Variants in FTO observed in about 807,000 individuals in gnomAD.
FTO encodes the protein FTO alpha-ketoglutarate dependent dioxygenase.
A neutral mutation model predicts 63.9 loss-of-function variants in FTO; 47 were observed. That is an observed-to-expected ratio of 0.74 (90% confidence interval 0.58 to 0.94). The LOEUF is 0.94. Ranked by LOEUF, FTO falls within the 40% of genes least tolerant of loss-of-function variation. The pLI is 0.00. For synonymous variants in FTO, 207 were observed against 224.4 expected, an observed-to-expected ratio of 0.92 and a Z score of 0.69; for missense variants, 562 against 618.1, an observed-to-expected ratio of 0.91 and a Z score of 0.96.
chr16:54,075,256 T>A (rs2085964902), intron 8 of FTO, among the ~76,000 whole-genome samples: 1 of 152,190 alleles, frequency 6.6e-6, no homozygotes, highest in African/African-American at 2.4e-5. Flanking sequence ...GAAGTTATAC[T>A]TGGAATATCT....
chr16:53,906,443 G>A (rs912857644), intron 7 of FTO, among the ~76,000 whole-genome samples: 6 of 152,174 alleles, frequency 3.9e-5, no homozygotes, highest in African/African-American at 1.2e-4. Flanking sequence ...GAACAGAGAG[G>A]TATTGAGTGC....
intron 3 of FTO, among the ~76,000 whole-genome samples, chr16:53,827,513 G>GT (rs2079038599): frequency 1.3e-5 from 2 of 152,000 alleles, no homozygotes; most frequent in African/African-American, 4.8e-5. Context: ...ATTTTTGTTT[G>GT]TTGTTGTTAT....
At chr16:53,951,439 A>G (rs1336165580) in intron 8 of FTO, among the ~76,000 whole-genome samples, 1 of 152,202 alleles carries the variant, frequency 6.6e-6, no homozygotes, top group African/African-American at 2.4e-5. Context: ...TGTCTAATCT[A>G]CAGTGACTTT....
chr16:53,871,168 G>A (rs1172371843), intron 4 of FTO, among the ~76,000 whole-genome samples: 1 of 152,000 alleles, frequency 6.6e-6, no homozygotes, highest in Non-Finnish European at 1.5e-5. Context: ...AGAATTCGTT[G>A]AGCTTATTGG....
rs1224946230 is a variant in FTO at position 54,028,016 on chromosome 16, C to CT, written c.1365-83739dup. On this transcript the variant is annotated intron_variant, in intron 8 of 8. Coordinates refer to ENST00000471389, the MANE Select transcript of FTO (RefSeq NM_001080432.3). ...TTGTGTTTTTTTTTGTTTTGGGGGG[C>CT]TTTTTTTAAATTTTGGCTTCGGGCA... 1.1e-3 allele frequency among the ~76,000 whole-genome samples: 163 copies of CT among 151,826 alleles called. 2 individuals carry two copies. The highest frequency in any genetic ancestry group is 3.8e-3 in the African/African-American group (156 of 41,406).
At chr16:53,890,086 C>A (rs982436142) in intron 7 of FTO, among the ~76,000 whole-genome samples, 1 of 152,100 alleles carries the variant, frequency 6.6e-6, no homozygotes. Flanking sequence ...CCTTCACCAC[C>A]TCACTGTTCT....
At chr16:53,809,059 C>T (rs1261020284) in intron 1 of FTO, among the ~76,000 whole-genome samples, 2 of 152,174 alleles carry the variant, frequency 1.3e-5, no homozygotes, top group African/African-American at 2.4e-5. Flanking sequence ...AAATATCCCT[C>T]AGAAGGACGG....
intron 1 of FTO, among the ~76,000 whole-genome samples, chr16:53,738,469 A>T (rs529050201): frequency 2.4e-4 from 37 of 152,338 alleles, no homozygotes; most frequent in African/African-American, 8.7e-4. Context: ...TTATATGGAC[A>T]CATCCCACGT....
At chr16:53,864,665 C>G (rs2080259555) in intron 4 of FTO, among the ~76,000 whole-genome samples, 1 of 152,078 alleles carries the variant, frequency 6.6e-6, no homozygotes, top group South Asian at 2.1e-4. Context: ...CAGTGTCAGT[C>G]AAGTTTCAGC....
At chr16:53,819,765 T>A (rs2078802426) in intron 2 of FTO, among the ~76,000 whole-genome samples, 1 of 152,176 alleles carries the variant, frequency 6.6e-6, no homozygotes, top group Admixed American at 6.5e-5. Flanking sequence ...AATTGTACAA[T>A]TCAGTGATTT....
At chr16:54,042,166 G>C (rs1427762377) in intron 8 of FTO, among the ~76,000 whole-genome samples, 1 of 151,180 alleles carries the variant, frequency 6.6e-6, no homozygotes, top group Non-Finnish European at 1.5e-5. Context: ...CGCAGAAGAC[G>C]GGTGATTTCT....
chr16:53,933,443 C>A (rs2082324324), intron 7 of FTO, among the ~76,000 whole-genome samples: 1 of 151,922 alleles, frequency 6.6e-6, no homozygotes, highest in Non-Finnish European at 1.5e-5. Context: ...TTTTTCTTTG[C>A]AAGATCTTGA....
chr16:53,865,781 C>A (rs1329142727), intron 4 of FTO, among the ~76,000 whole-genome samples: 1 of 152,138 alleles, frequency 6.6e-6, no homozygotes, highest in African/African-American at 2.4e-5. Context: ...TATGAAACTG[C>A]CAGTCAGATT....
intron 2 of FTO, among the ~76,000 whole-genome samples, chr16:53,818,200 AC>A (rs1567324064): frequency 1.3e-5 from 2 of 151,790 alleles, no homozygotes; most frequent in Non-Finnish European, 2.9e-5. Flanking sequence ...GAAAAATTGA[AC>A]AAATGCTTCA....
At chr16:53,874,179 G>A (rs2080582273) in intron 5 of FTO, among the ~76,000 whole-genome samples, 1 of 152,232 alleles carries the variant, frequency 6.6e-6, no homozygotes, top group African/African-American at 2.4e-5. Context: ...TCAAGGGCAG[G>A]AGATGACCAG....
At chr16:54,088,249 G>C (rs1002962346) in intron 8 of FTO, among the ~76,000 whole-genome samples, 1 of 152,032 alleles carries the variant, frequency 6.6e-6, no homozygotes, top group Admixed American at 6.6e-5. Context: ...TACCCACATT[G>C]CGTTTTTACT....
chr16:53,946,479 A>G (rs180754020), intron 8 of FTO, among the ~76,000 whole-genome samples: 73 of 152,342 alleles, frequency 4.8e-4, no homozygotes, highest in African/African-American at 1.6e-3. Flanking sequence ...TTATTAAGAT[A>G]TGCTCATATT....
At chr16:53,881,657 G>A (rs956340244) in intron 6 of FTO, among the ~76,000 whole-genome samples, 3 of 152,158 alleles carry the variant, frequency 2.0e-5, no homozygotes, top group African/African-American at 7.2e-5. Flanking sequence ...TGGATCCCAT[G>A]GGTCAAAGTT....
intron 1 of FTO, among the ~76,000 whole-genome samples, chr16:53,752,837 G>C (rs1018678335): frequency 1.3e-5 from 2 of 151,358 alleles, no homozygotes; most frequent in Non-Finnish European, 2.9e-5. Flanking sequence ...AATGATAAAT[G>C]AACTTTATAG....
Sources: gnomAD v4.1 joint callset for allele counts (sites outside exome capture counted in the v4.1 genomes callset) on GRCh38, gnomAD v4.1.1 for gene constraint, MANE v1.5 for transcripts, NCBI Gene and HGNC (gene_info 2026-07-23, HGNC 2026-07-21) for gene names.